The following PDE4B variants were observed in gnomAD, a reference collection of about 807,000 sequenced individuals.
PDE4B encodes phosphodiesterase 4B, also known as 3',5'-cyclic-AMP phosphodiesterase 4B.
Under a neutral mutation model 82.2 loss-of-function variants are expected in PDE4B, and 20 were observed. The ratio of observed to expected loss-of-function variants is 0.24; its 90% CI spans 0.17 to 0.35. PDE4B has a LOEUF of 0.35. PDE4B is among the 10% of genes least tolerant of loss of function. PDE4B has a pLI of 1.00. For missense variants in PDE4B, 655 were observed against 907.2 expected, an observed-to-expected ratio of 0.72 and a Z score of 3.57; for synonymous variants, 320 against 318.9, an observed-to-expected ratio of 1.00 and a Z score of -0.04.
chr1:65,849,296 T>A (rs1477369926), intron 1 of PDE4B, among the ~76,000 whole-genome samples: 1 of 152,134 alleles, frequency 6.6e-6, no homozygotes, highest in Non-Finnish European at 1.5e-5. Context: ...GGAGGTGCCT[T>A]ACTTGTCACA....
At chr1:66,021,168 A>AT (rs1396251549) in intron 3 of PDE4B, among the ~76,000 whole-genome samples, 4 of 151,542 alleles carry the variant, frequency 2.6e-5, no homozygotes, top group East Asian at 3.9e-4. Context: ...GGGTTGTTTG[A>AT]TTTTTTCTTG....
chr1:66,299,934 A>G (rs1260153084), intron 7 of PDE4B, among the ~76,000 whole-genome samples: 3 of 152,314 alleles, frequency 2.0e-5, no homozygotes, highest in African/African-American at 7.2e-5. Context: ...ATTTCATTAT[A>G]GAATGTAAAT....
In PDE4B at chr1:66,141,067, G is replaced by A. The variant is rs4655818; in HGVS notation, c.282-106393G>A. On this transcript the variant is annotated intron_variant, in intron 3 of 16. Transcript: ENST00000341517. Reference sequence around the variant, plus strand: ...GATATCAATGTAAACAAAGCTAAATGTGTGTGTATGTCTATACATGCATTT... The same window carrying A: ...GATATCAATGTAAACAAAGCTAAATATGTGTGTATGTCTATACATGCATTT... Among the ~76,000 whole-genome samples, 14 of 152,168 alleles carry A rather than the reference G, an allele frequency of 9.2e-5. 1 individual carries two copies. In the South Asian group the frequency reaches 1.0e-3, roughly 11 times the overall value.
chr1:65,879,774 A>T (rs1646689738), intron 1 of PDE4B, among the ~76,000 whole-genome samples: 1 of 152,240 alleles, frequency 6.6e-6, no homozygotes, highest in African/African-American at 2.4e-5. Flanking sequence ...ATGAGCTCAA[A>T]GTCATTTATA....
intron 3 of PDE4B, among the ~76,000 whole-genome samples, chr1:66,194,101 G>A (rs142648557): frequency 6.6e-6 from 1 of 152,072 alleles, no homozygotes; most frequent in African/African-American, 2.4e-5. Flanking sequence ...GTTCTTAGAT[G>A]TAGAAAACAG....
intron 8 of PDE4B, among the ~76,000 whole-genome samples, chr1:66,336,216 C>A (rs373302680): frequency 6.6e-6 from 1 of 152,296 alleles, no homozygotes; most frequent in African/African-American, 2.4e-5. Flanking sequence ...AGGGTGACTA[C>A]AATTTCCTGT....
intron 3 of PDE4B, among the ~76,000 whole-genome samples, chr1:65,925,805 G>A (rs894195771): frequency 2.0e-5 from 3 of 152,008 alleles, no homozygotes; most frequent in Non-Finnish European, 4.4e-5. Context: ...AGGTCTCTAG[G>A]GGCACTGGGG....
chr1:66,107,942 T>C (rs369083741), intron 3 of PDE4B, among the ~76,000 whole-genome samples: 1 of 151,980 alleles, frequency 6.6e-6, no homozygotes, highest in Non-Finnish European at 1.5e-5. Flanking sequence ...AATTTGGATT[T>C]TTAAAAAAAG....
At chr1:66,311,733 T>C (rs1285223286) in intron 7 of PDE4B, among the ~76,000 whole-genome samples, 1 of 152,234 alleles carries the variant, frequency 6.6e-6, no homozygotes, top group African/African-American at 2.4e-5. Flanking sequence ...GTCACCAGCA[T>C]CATTTTCTCA....
At chr1:66,025,208 C>A (rs969781437) in intron 3 of PDE4B, among the ~76,000 whole-genome samples, 4 of 151,852 alleles carry the variant, frequency 2.6e-5, no homozygotes, top group South Asian at 4.1e-4. Flanking sequence ...CCAAGTTTTT[C>A]AAAAAATAGG....
chr1:66,240,901 CCT>C (rs1652842738), intron 3 of PDE4B, among the ~76,000 whole-genome samples: 1 of 152,136 alleles, frequency 6.6e-6, no homozygotes, highest in South Asian at 2.1e-4. Flanking sequence ...ACAGGGAGCC[CCT>C]GTTTCATTTC....
chr1:66,260,707 T>A (rs541518157), intron 6 of PDE4B, among the ~76,000 whole-genome samples: 1 of 152,156 alleles, frequency 6.6e-6, no homozygotes, highest in African/African-American at 2.4e-5. Context: ...CCCTGCTGAT[T>A]AATAAGCTGT....
chr1:66,372,519 C>A lies in PDE4B; in HGVS notation c.2052C>A (p.Leu684=), dbSNP rs373468487. 1.2e-6 allele frequency: 2 copies of A among 1,614,034 alleles called. No individual in the cohort carries two copies. The highest frequency in any genetic ancestry group is 1.7e-6 in the Non-Finnish European group (2 of 1,180,002). ...AGAAGTTTCAGTTTGAACTGACTCT[C>A]GATGAGGAAGATTCTGAAGGACCTG... is the stretch of plus-strand genomic sequence containing the variant. ...LMEKFQFELT[L]DEEDSEGPEK... The change falls in exon 17 of 17, where the codon CTC becomes CTA. Residue 684 remains leucine, a synonymous_variant. Transcript: ENST00000341517.
chr1:66,167,969 CA>C (rs1460008030), intron 3 of PDE4B, among the ~76,000 whole-genome samples: 1 of 152,112 alleles, frequency 6.6e-6, no homozygotes, highest in African/African-American at 2.4e-5. Flanking sequence ...CAGTCCTTCT[CA>C]AAAATTATAT....
intron 3 of PDE4B, among the ~76,000 whole-genome samples, chr1:65,937,885 G>T (rs1264753707): frequency 6.6e-6 from 1 of 152,120 alleles, no homozygotes; most frequent in Non-Finnish European, 1.5e-5. Context: ...TTACAATATA[G>T]ATGATATTCT....
At chr1:66,031,615 G>A (rs1371005967) in intron 3 of PDE4B, among the ~76,000 whole-genome samples, 1 of 152,112 alleles carries the variant, frequency 6.6e-6, no homozygotes, top group Non-Finnish European at 1.5e-5. Context: ...CTGTCTCTAA[G>A]GTTCATTTAC....
intron 3 of PDE4B, among the ~76,000 whole-genome samples, chr1:66,026,773 TG>T (rs1440121762): frequency 6.6e-6 from 1 of 152,226 alleles, no homozygotes; most frequent in Non-Finnish European, 1.5e-5. Flanking sequence ...TTTCAGACTT[TG>T]GTCACAAAAC....
intron 3 of PDE4B, among the ~76,000 whole-genome samples, chr1:66,224,509 A>G (rs765698491): frequency 2.0e-5 from 3 of 152,198 alleles, no homozygotes; most frequent in Non-Finnish European, 2.9e-5. Context: ...ATCTGAGGTC[A>G]GGAGTTCAAG....
At chr1:66,196,084 A>G (rs1046553299) in intron 3 of PDE4B, among the ~76,000 whole-genome samples, 19 of 152,348 alleles carry the variant, frequency 1.2e-4, no homozygotes, top group African/African-American at 4.1e-4. Context: ...CATGATAATG[A>G]CACAAAGCTA....
Sources: allele counts gnomAD v4.1 joint callset (sites outside exome capture counted in the v4.1 genomes callset), GRCh38; gene constraint gnomAD v4.1.1; transcripts MANE v1.5; gene names NCBI Gene and HGNC (gene_info 2026-07-23, HGNC 2026-07-21).